Variants in MEI4 observed in about 807,000 individuals in gnomAD.
MEI4 encodes meiotic double-stranded break formation protein 4, also known as meiosis-specific protein MEI4.
MEI4 carries 27 observed loss-of-function variants against 31.4 expected under a neutral mutation model. That is an observed-to-expected ratio of 0.86 (90% confidence interval 0.63 to 1.19). The LOEUF (loss-of-function observed/expected upper bound fraction) is 1.19, where lower values mean the gene tolerates loss of function less well. Ranked by LOEUF, MEI4 falls within the 50% of genes most tolerant of loss-of-function variation. The pLI is 0.00. For missense variants in MEI4, 329 were observed against 398.9 expected, an observed-to-expected ratio of 0.82 and a Z score of 1.49; for synonymous variants, 122 against 145.4, an observed-to-expected ratio of 0.84 and a Z score of 1.16.
At chr6:77,837,923 G>A (rs753862893) in intron 4 of MEI4, among the ~76,000 whole-genome samples, 3 of 151,934 alleles carry the variant, frequency 2.0e-5, no homozygotes, top group African/African-American at 4.8e-5. Context: ...ATACTTAATC[G>A]TTTTAAGCCT....
At chr6:77,919,308 A>G (rs1766644508) in intron 4 of MEI4, among the ~76,000 whole-genome samples, 1 of 152,110 alleles carries the variant, frequency 6.6e-6, no homozygotes, top group Admixed American at 6.6e-5. Context: ...CTCTCAGACC[A>G]CAATGCAATC....
chr6:77,693,893 T>A (rs1418257865), intron 2 of MEI4, among the ~76,000 whole-genome samples: 4 of 152,126 alleles, frequency 2.6e-5, no homozygotes, highest in African/African-American at 9.7e-5. Flanking sequence ...TATGTGCAAC[T>A]GTCGTTGAGT....
intron 4 of MEI4, among the ~76,000 whole-genome samples, chr6:77,860,269 A>G (rs1208699917): frequency 6.6e-6 from 1 of 152,178 alleles, no homozygotes; most frequent in Admixed American, 6.5e-5. Flanking sequence ...TGTGAAATAA[A>G]ATTTGAACGA....
chr6:77,766,892 C>T (rs1166140035), intron 3 of MEI4, among the ~76,000 whole-genome samples: 1 of 152,120 alleles, frequency 6.6e-6, no homozygotes, highest in Admixed American at 6.5e-5. Context: ...CAAGTTAGGA[C>T]ATTGTTTTAG....
chr6:77,719,080 G>A (rs71539611), intron 2 of MEI4, among the ~76,000 whole-genome samples: 29,595 of 133,566 alleles, frequency 0.22, 5,611 homozygotes, highest in African/African-American at 0.33. Flanking sequence ...CTGTTAAGTC[G>A]CTATCAACAG....
intron 2 of MEI4, among the ~76,000 whole-genome samples, chr6:77,749,311 A>G (rs140311120): frequency 0.01 from 1,544 of 152,174 alleles, 25 homozygotes; most frequent in African/African-American, 0.034. Flanking sequence ...GGTGGGTAAT[A>G]AACTCCTCCA....
At chr6:77,864,816 A>T (rs1466906282) in intron 4 of MEI4, among the ~76,000 whole-genome samples, 2 of 152,200 alleles carry the variant, frequency 1.3e-5, no homozygotes, top group Non-Finnish European at 1.5e-5. Flanking sequence ...TCCAAAATTG[A>T]CCACATAGGT....
chr6:77,670,082 C>T (rs1442422339), intron 1 of MEI4, among the ~76,000 whole-genome samples: 1 of 152,166 alleles, frequency 6.6e-6, no homozygotes, highest in African/African-American at 2.4e-5. Flanking sequence ...CTTCGCAAGA[C>T]AGACCCTTTC....
chr6:77,842,772 G>C (rs1033234193), intron 4 of MEI4, among the ~76,000 whole-genome samples: 1 of 151,952 alleles, frequency 6.6e-6, no homozygotes, highest in African/African-American at 2.4e-5. Flanking sequence ...GTGTTAAGAG[G>C]ATAATAAGGG....
At chr6:77,689,506 C>T (rs979945051) in intron 1 of MEI4, among the ~76,000 whole-genome samples, 4 of 151,886 alleles carry the variant, frequency 2.6e-5, no homozygotes, top group African/African-American at 7.3e-5. Flanking sequence ...AGTTACACAT[C>T]GCTGTGGGTG....
chr6:77,831,400 C>A (rs1232490532), intron 4 of MEI4, among the ~76,000 whole-genome samples: 2 of 151,494 alleles, frequency 1.3e-5, no homozygotes, highest in African/African-American at 2.4e-5. Context: ...CCACTGCTGG[C>A]TATGTATCCA....
intron 1 of MEI4, among the ~76,000 whole-genome samples, chr6:77,663,356 A>T (rs1768549740): frequency 6.6e-6 from 1 of 151,976 alleles, no homozygotes; most frequent in African/African-American, 2.4e-5. Flanking sequence ...GGGGTGCATG[A>T]TCGGTCGCCA....
At chr6:77,844,897 A>T (rs1011008415) in intron 4 of MEI4, among the ~76,000 whole-genome samples, 1 of 152,128 alleles carries the variant, frequency 6.6e-6, no homozygotes, top group African/African-American at 2.4e-5. Flanking sequence ...GGATAAGACA[A>T]TCTCTATAAA....
In MEI4 at chr6:77,882,683, A is replaced by G. The variant is rs527282201; in HGVS notation, c.901-40406A>G. On this transcript the variant is annotated intron_variant, in intron 4 of 4. Coordinates refer to ENST00000684080, the MANE Select transcript of MEI4 (RefSeq NM_001322247.2). ...CGCAGACTACTTTGTGTAGTCTACC[A>G]GGAAGGGTTTTGTGGAAGCCTTTTC... is the stretch of plus-strand genomic sequence containing the variant. 9.2e-5 allele frequency among the ~76,000 whole-genome samples: 14 copies of G among 152,308 alleles called. No homozygotes were observed. The East Asian group carries it at 2.7e-3, about 29-fold the overall frequency.
intron 2 of MEI4, among the ~76,000 whole-genome samples, chr6:77,700,306 C>T (rs75800461): frequency 0.02 from 3,114 of 152,244 alleles, 116 homozygotes; most frequent in African/African-American, 0.07. Flanking sequence ...AGGTGCCCCT[C>T]CCCCAGCCTC....
intron 2 of MEI4, among the ~76,000 whole-genome samples, chr6:77,695,160 T>G (rs1328668309): frequency 1.3e-5 from 2 of 152,296 alleles, no homozygotes; most frequent in South Asian, 2.1e-4. Context: ...ATTCTGGATA[T>G]TAGCCCTTTG....
rs565184936 is a variant in MEI4, at chr6:77,910,445, T to C, written c.901-12644T>C. 2.5e-3 allele frequency among the ~76,000 whole-genome samples: 382 copies of C among 152,172 alleles called. 1 individual carries two copies. The highest frequency in any genetic ancestry group is 9.1e-3 in the African/African-American group (377 of 41,522). On this transcript the variant is annotated intron_variant, in intron 4 of 4. Coordinates refer to ENST00000684080, the MANE Select transcript of MEI4 (RefSeq NM_001322247.2). ...AGAGAGCCAAATCATGAGTGAACTC[T>C]CATTCACAATTGCTTCAAAGAGAAT...
rs535239721 is a variant in MEI4 at position 77,810,925 on chromosome 6, C to T, written c.769-18006C>T. On this transcript the variant is annotated intron_variant, in intron 3 of 4. Coordinates refer to ENST00000684080, the MANE Select transcript of MEI4 (RefSeq NM_001322247.2). ...TCTTGATTAGATCTTTTGCTGTGAG[C>T]AGGAGGAAAAGAAAAAAAAATCTAT... Among the ~76,000 whole-genome samples, 3 of 151,796 alleles carry T rather than the reference C, an allele frequency of 2.0e-5. No individual in the cohort carries two copies. The South Asian group carries it at 6.3e-4, about 32-fold the overall frequency.
Position 77,847,259 on chromosome 6 carries a change from TTC to T in MEI4, c.900+18199_900+18200del, listed in dbSNP as rs1770511386. On this transcript the variant is annotated intron_variant, in intron 4 of 4. Transcript: ENST00000684080. The surrounding 1 kb of genome is among the most constrained non-coding windows in gnomAD (Gnocchi z 4.6). ...AGGTGTACGGTCACTGTCAAAATAA[TTC>T]TGTGTCTTAGATTATAATTAATTCA... 6.6e-6 allele frequency among the ~76,000 whole-genome samples: 1 copy of T among 152,176 alleles called. No individual in the cohort carries two copies. The highest frequency in any genetic ancestry group is 1.5e-5 in the Non-Finnish European group (1 of 68,028).
Sources: gnomAD v4.1 joint callset for allele counts (sites outside exome capture counted in the v4.1 genomes callset) on GRCh38, gnomAD v4.1.1 for gene constraint, Gnocchi (gnomAD v3.1) non-coding constraint, MANE v1.5 for transcripts, NCBI Gene and HGNC (gene_info 2026-07-23, HGNC 2026-07-21) for gene names.